Variants in MLIP observed in about 807,000 individuals in gnomAD.
The protein encoded by MLIP is muscular LMNA interacting protein.
Under a neutral mutation model 84.8 loss-of-function variants are expected in MLIP, and 79 were observed. The observed-to-expected ratio is 0.93, with a 90% CI of 0.78 to 1.12. The LOEUF is 1.12. Among genes scored for constraint, MLIP ranks in the 50% most tolerant of loss-of-function variants. MLIP has a pLI of 0.00. For synonymous variants in MLIP, 504 were observed against 463.0 expected, an observed-to-expected ratio of 1.09 and a Z score of -1.14; for missense variants, 1,257 against 1,160.6, an observed-to-expected ratio of 1.08 and a Z score of -1.21.
chr6:54,138,552 T>A (rs1772030732), intron 4 of MLIP, among the ~76,000 whole-genome samples: 1 of 152,152 alleles, frequency 6.6e-6, no homozygotes, highest in East Asian at 1.9e-4. Context: ...TCCAAGGGTA[T>A]TATTTTTCCT....
chr6:54,225,950 T>A (rs1035742211), intron 11 of MLIP, among the ~76,000 whole-genome samples: 2 of 152,140 alleles, frequency 1.3e-5, no homozygotes, highest in African/African-American at 4.8e-5. Context: ...AATATCCTGA[T>A]GAGGAAAAGC....
chr6:54,251,374 A>C (rs1212116516), intron 12 of MLIP, among the ~76,000 whole-genome samples: 1 of 146,230 alleles, frequency 6.8e-6, no homozygotes, highest in East Asian at 2.0e-4. Flanking sequence ...GATATGTTGT[A>C]AATCAGGGAT....
At position 54,138,327 on chromosome 6, in the gene MLIP, C is replaced by A; in HGVS notation, c.2217+41C>A. 5 of 1,479,882 alleles carry A rather than the reference C, an allele frequency of 3.4e-6. No individual in the cohort carries two copies. The South Asian group carries it at 4.0e-5, about 12-fold the overall frequency. The allele number at this position is 1,479,882 out of a possible 1,614,324, so 91.7% of individuals were successfully genotyped here. A position where few individuals can be genotyped will look rare whatever the true frequency, so the allele number is the denominator to read the frequency against. ...TGCATGGTGCATGCTTATTTTGAAA[C>A]AGGGAAGAATCTTTTTTTTTTCCCC... On this transcript the variant is annotated intron_variant, in intron 4 of 13. Coordinates refer to ENST00000502396, the MANE Select transcript of MLIP (RefSeq NM_001281747.2).
At chr6:54,192,480 C>T (rs1461934974) in intron 10 of MLIP, among the ~76,000 whole-genome samples, 1 of 151,896 alleles carries the variant, frequency 6.6e-6, no homozygotes. Flanking sequence ...AATATTTTTA[C>T]ACTTAAGTAA....
At chr6:54,211,858 A>G (rs973530065) in intron 11 of MLIP, among the ~76,000 whole-genome samples, 1 of 152,322 alleles carries the variant, frequency 6.6e-6, no homozygotes, top group South Asian at 2.1e-4. Context: ...CTCCAATACT[A>G]TGAATAATGA....
chr6:54,111,721 A>G lies in MLIP; in HGVS notation c.96+146A>G, dbSNP rs535653763. On this transcript the variant is annotated intron_variant, in intron 1 of 13. Transcript: ENST00000502396. ...TTGAAATGAAATGCTATCTTCACTT[A>G]GAGAAAAGGGTGAGCTGATAAAGAC... is the stretch of plus-strand genomic sequence containing the variant. 3.4e-6 allele frequency: 3 copies of G among 880,560 alleles called. No individual in the cohort carries two copies. In the African/African-American group the frequency reaches 5.1e-5, roughly 15 times the overall value. The allele number at this position is 880,560 out of a possible 1,614,324, so 54.5% of individuals were successfully genotyped here.
upstream of MLIP, chr6:54,111,358 GA>G: frequency 1.4e-6 from 2 of 1,432,614 alleles, no homozygotes; most frequent in Non-Finnish European, 1.8e-6. Flanking sequence ...ATTTTGGAAT[GA>G]CTCTGCTTTA....
Position 54,138,069 on chromosome 6 carries a change from T to G in MLIP, c.2000T>G (p.Leu667Arg). 6.5e-7 allele frequency: 1 copy of G among 1,536,194 alleles called. No individual in the cohort carries two copies. Among genetic ancestry groups the G allele is most frequent in the South Asian group, 1.2e-5 (1 of 84,070 alleles). ...TCCTCCTCTCTCCCTCATGCCAATC[T>G]GCCCACCCTGGTGCCCCAGCTCAGT... is the stretch of plus-strand genomic sequence containing the variant. ...LRSSSLPHAN[L>R]PTLVPQLSPS... Residue 667 changes from leucine to arginine, a missense_variant, in exon 4 of 14, where the codon CTG (leucine) becomes CGG (arginine). Coordinates refer to ENST00000502396, the MANE Select transcript of MLIP (RefSeq NM_001281747.2).
At chr6:54,100,662 C>T (rs1009863315) in intron 1 of MLIP, among the ~76,000 whole-genome samples, 9 of 152,032 alleles carry the variant, frequency 5.9e-5, no homozygotes, top group East Asian at 1.9e-4. Context: ...ATACTTGACA[C>T]GTAGCACTGT....
At chr6:54,033,561 G>A (rs1008729400) in intron 1 of MLIP, among the ~76,000 whole-genome samples, 1 of 151,992 alleles carries the variant, frequency 6.6e-6, no homozygotes. Context: ...CACCACGCCC[G>A]GGTGGAACTA....
chr6:54,214,381 T>C (rs1056839550), intron 11 of MLIP, among the ~76,000 whole-genome samples: 2 of 152,154 alleles, frequency 1.3e-5, no homozygotes, highest in African/African-American at 4.8e-5. Context: ...CTCTCTAATC[T>C]CTTATTCCCC....
At chr6:54,262,692 C>T (rs140127708) in intron 13 of MLIP, among the ~76,000 whole-genome samples, 62 of 152,026 alleles carry the variant, frequency 4.1e-4, no homozygotes, top group African/African-American at 1.3e-3. Flanking sequence ...CTTTTCAGGG[C>T]CTGACAAAAG....
intron 9 of MLIP, among the ~76,000 whole-genome samples, chr6:54,182,819 C>T (rs1777020429): frequency 6.6e-6 from 1 of 151,216 alleles, no homozygotes; most frequent in Middle Eastern, 3.4e-3. Flanking sequence ...AGTATTTGGT[C>T]CTATTACTAA....
chr6:54,053,802 G>C (rs965173242), intron 1 of MLIP, among the ~76,000 whole-genome samples: 2 of 152,138 alleles, frequency 1.3e-5, no homozygotes, highest in Non-Finnish European at 2.9e-5. Flanking sequence ...GTGTCTATTT[G>C]AGAATTGAAT....
At chr6:54,221,751 G>A (rs1780237660) in intron 11 of MLIP, among the ~76,000 whole-genome samples, 1 of 151,830 alleles carries the variant, frequency 6.6e-6, no homozygotes, top group Non-Finnish European at 1.5e-5. Flanking sequence ...ATCATCTCGA[G>A]TAAATCTAAT....
At position 54,227,173 on chromosome 6, in the gene MLIP, G is replaced by A. The variant is rs144631276; in HGVS notation, c.2719-3541G>A. On this transcript the variant is annotated intron_variant, in intron 11 of 13. Transcript: ENST00000502396. ...TGGTAAGATGTGCTTGCCTCCCTTC[G>A]GCCATAATTATAAGCTTCCTGAGAC... Among the ~76,000 whole-genome samples, 553 of 152,154 alleles carry A rather than the reference G, an allele frequency of 3.6e-3. 10 individuals carry two copies. Among genetic ancestry groups the A allele is most frequent in the Admixed American group, 0.03 (451 of 15,270 alleles).
intron 1 of MLIP, among the ~76,000 whole-genome samples, chr6:54,080,690 C>T (rs1328850549): frequency 6.7e-6 from 1 of 148,182 alleles, no homozygotes; most frequent in Non-Finnish European, 1.5e-5. Flanking sequence ...CTATAAAATA[C>T]ATAAATTTAA....
intron 12 of MLIP, among the ~76,000 whole-genome samples, chr6:54,249,756 C>CAT (rs1398336302): frequency 1.1e-4 from 17 of 151,030 alleles, no homozygotes; most frequent in African/African-American, 3.9e-4. Flanking sequence ...TACACACACA[C>CAT]ATATATATAC....
At chr6:54,189,726 A>T in intron 9 of MLIP, 144 bp from the exon 10 acceptor site, 1 of 615,004 alleles carries the variant, frequency 1.6e-6, no homozygotes. Context: ...CTTTGGTGGC[A>T]TAAGGATATT....
Sources: allele counts gnomAD v4.1 joint callset (sites outside exome capture counted in the v4.1 genomes callset), GRCh38; gene constraint gnomAD v4.1.1; transcripts MANE v1.5; gene names NCBI Gene and HGNC (gene_info 2026-07-23, HGNC 2026-07-21).